Variants in KAT6A observed in about 807,000 individuals in gnomAD.
KAT6A encodes lysine acetyltransferase 6A, also known as histone acetyltransferase KAT6A.
Under a neutral mutation model 198.4 loss-of-function variants are expected in KAT6A, and 9 were observed. The observed-to-expected ratio is 0.05, with a 90% CI of 0.03 to 0.08. The LOEUF (loss-of-function observed/expected upper bound fraction) is 0.08. Ranked by LOEUF, KAT6A falls within the 10% of genes least tolerant of loss-of-function variation. The pLI, the probability that KAT6A is intolerant of heterozygous loss-of-function variation, is 1.00. For missense variants in KAT6A, 2,077 were observed against 2,509.9 expected, an observed-to-expected ratio of 0.83 and a Z score of 3.69; for synonymous variants, 890 against 883.0, an observed-to-expected ratio of 1.01 and a Z score of -0.14.
intron 2 of KAT6A, among the ~76,000 whole-genome samples, chr8:42,023,033 G>GTA (rs1826626117): frequency 6.6e-6 from 1 of 152,106 alleles, no homozygotes; most frequent in Non-Finnish European, 1.5e-5. Context: ...AGGCTATATG[G>GTA]TATAGGCTAC....
chr8:41,943,152 C>G (rs1822222240), intron 13 of KAT6A, 152 bp from the exon 14 acceptor site: 14 of 1,027,240 alleles, frequency 1.4e-5, no homozygotes, highest in Non-Finnish European at 2.0e-5. Flanking sequence ...TGTGCCACCA[C>G]ATGAGACGGC....
intron 2 of KAT6A, among the ~76,000 whole-genome samples, chr8:42,025,112 T>C (rs1166249249): frequency 6.6e-6 from 1 of 152,228 alleles, no homozygotes; most frequent in African/African-American, 2.4e-5. Flanking sequence ...CACTTATTTT[T>C]TGTCTTTTTG....
At chr8:42,002,202 G>A (rs1426217041) in intron 2 of KAT6A, among the ~76,000 whole-genome samples, 1 of 152,114 alleles carries the variant, frequency 6.6e-6, no homozygotes, top group Non-Finnish European at 1.5e-5. Flanking sequence ...ATTAATTTGG[G>A]TTACCCAAGT....
chr8:41,991,767 AC>A (rs1408768695), intron 2 of KAT6A, among the ~76,000 whole-genome samples: 2 of 152,178 alleles, frequency 1.3e-5, no homozygotes, highest in Non-Finnish European at 2.9e-5. Context: ...ACAGGTGATA[AC>A]TGACAGCACT....
At chr8:41,988,839 T>C (rs932088561) in intron 2 of KAT6A, among the ~76,000 whole-genome samples, 3 of 152,198 alleles carry the variant, frequency 2.0e-5, no homozygotes, top group African/African-American at 7.2e-5. Flanking sequence ...GGAGGTACCC[T>C]CAGTCACCTC....
rs1822113161 is a variant in KAT6A, at chr8:41,941,257, G to A, written c.2624C>T (p.Thr875Ile). The part of the protein sequence containing the change: ...RGRWGRKNRK[T>I]QERFGDKDSK... Reference sequence around the variant, plus strand: ...ATCTTTATCACCAAAACGTTCCTGGGTTTTTCTGTTCTTCCTCCCCCAGCG... The same window carrying A: ...ATCTTTATCACCAAAACGTTCCTGGATTTTTCTGTTCTTCCTCCCCCAGCG... Residue 875 changes from threonine to isoleucine, a missense_variant, in exon 15 of 17, where the codon ACC becomes ATC. This residue lies in a region of KAT6A where 301 missense variants were observed against 272.2 expected (regional missense o/e 1.11). Coordinates refer to ENST00000265713, the MANE Select transcript of KAT6A (RefSeq NM_006766.5). The A allele has an allele frequency of 6.2e-7, 1 of 1,614,014 alleles. No individual in the cohort carries two copies. Among genetic ancestry groups the A allele is most frequent in the Non-Finnish European group, 8.5e-7 (1 of 1,179,996 alleles).
chr8:42,045,575 A>C (rs973538553), intron 2 of KAT6A, among the ~76,000 whole-genome samples: 10 of 151,794 alleles, frequency 6.6e-5, no homozygotes, highest in African/African-American at 2.2e-4. Context: ...AAAAAAAAAA[A>C]AAACAAAAAA....
chr8:41,961,395 C>T (rs950806669), intron 8 of KAT6A, among the ~76,000 whole-genome samples: 8 of 152,308 alleles, frequency 5.3e-5, no homozygotes, highest in African/African-American at 1.4e-4. Context: ...GCATCATCAG[C>T]TTTCCCTCTA....
At chr8:42,022,093 C>T (rs1826567875) in intron 2 of KAT6A, among the ~76,000 whole-genome samples, 1 of 152,124 alleles carries the variant, frequency 6.6e-6, no homozygotes, top group Admixed American at 6.6e-5. Flanking sequence ...TATGAGCCTT[C>T]AACACAGACA....
intron 12 of KAT6A, among the ~76,000 whole-genome samples, 156 bp from the exon 13 acceptor site, chr8:41,944,135 T>C (rs1293435318): frequency 1.3e-5 from 2 of 151,930 alleles, no homozygotes; most frequent in Non-Finnish European, 2.9e-5. Context: ...CAAAACTACT[T>C]CAAAACAAAT....
chr8:42,033,792 A>G (rs761660839), intron 2 of KAT6A, among the ~76,000 whole-genome samples: 2 of 152,216 alleles, frequency 1.3e-5, no homozygotes, highest in Non-Finnish European at 2.9e-5. Flanking sequence ...TGCTTAATAC[A>G]TATGAAACAA....
intron 3 of KAT6A, among the ~76,000 whole-genome samples, chr8:41,985,526 C>T (rs147056100): frequency 8.5e-5 from 13 of 152,290 alleles, no homozygotes; most frequent in Admixed American, 4.6e-4. Flanking sequence ...TGGTAACAAC[C>T]GTATCCATGC....
At chr8:42,015,484 G>T (rs1016826091) in intron 2 of KAT6A, among the ~76,000 whole-genome samples, 1 of 152,214 alleles carries the variant, frequency 6.6e-6, no homozygotes, top group African/African-American at 2.4e-5. Context: ...ATACAAAGAT[G>T]TAAGAGACAC....
chr8:42,046,940 G>A (rs542529579), intron 2 of KAT6A, among the ~76,000 whole-genome samples: 4 of 152,182 alleles, frequency 2.6e-5, no homozygotes, highest in Non-Finnish European at 5.9e-5. Context: ...ATTGAACCCT[G>A]AAATAGATCT....
At chr8:42,005,319 A>G (rs560858636) in intron 2 of KAT6A, among the ~76,000 whole-genome samples, 8 of 152,336 alleles carry the variant, frequency 5.3e-5, no homozygotes, top group African/African-American at 1.9e-4. Flanking sequence ...TGACTTAAAT[A>G]TATTTCATCT....
chr8:42,002,709 TTAAGGCTATA>T (rs1340820179), intron 2 of KAT6A, among the ~76,000 whole-genome samples: 1 of 152,250 alleles, frequency 6.6e-6, no homozygotes, highest in African/African-American at 2.4e-5. Context: ...ATCATCTTTC[TTAAGGCTATA>T]TAACACTTCA....
chr8:42,041,642 G>A (rs1049828196), intron 2 of KAT6A, among the ~76,000 whole-genome samples: 1 of 151,946 alleles, frequency 6.6e-6, no homozygotes, highest in African/African-American at 2.4e-5. Context: ...GAGGGGAGAG[G>A]CAGTAGAATT....
chr8:41,992,388 C>T (rs72640400), intron 2 of KAT6A, among the ~76,000 whole-genome samples: 5,450 of 152,138 alleles, frequency 0.036, 133 homozygotes, highest in Non-Finnish European at 0.058. Flanking sequence ...TTAATGTATT[C>T]TAAGTGTTCA....
intron 2 of KAT6A, among the ~76,000 whole-genome samples, chr8:42,016,714 G>A (rs765022645): frequency 6.6e-6 from 1 of 152,246 alleles, no homozygotes; most frequent in Admixed American, 6.5e-5. Context: ...ATAAAGAGAG[G>A]AGGGAGATAG....
Sources: gnomAD v4.1 joint callset for allele counts (sites outside exome capture counted in the v4.1 genomes callset) on GRCh38, gnomAD v4.1.1 for gene constraint, gnomAD v4.1.1 regional missense constraint, MANE v1.5 for transcripts, NCBI Gene and HGNC (gene_info 2026-07-23, HGNC 2026-07-21) for gene names.